The following SLC7A9 variants were observed in gnomAD, a reference collection of about 807,000 sequenced individuals.
SLC7A9 encodes the protein solute carrier family 7 member 9, also known as B(0,+)-type amino acid transporter 1.
A neutral mutation model predicts 54.1 loss-of-function variants in SLC7A9; 38 were observed. The ratio of observed to expected loss-of-function variants is 0.70; its 90% CI spans 0.54 to 0.92. The LOEUF (loss-of-function observed/expected upper bound fraction) is 0.92. SLC7A9 is among the 40% of genes least tolerant of loss of function. The probability of loss-of-function intolerance (pLI) is 0.00; values close to 1 mark genes in which losing one functional copy is unlikely to be tolerated. For missense variants in SLC7A9, 537 were observed against 636.1 expected (o/e 0.84, Z 1.68); for synonymous variants, 264 against 258.9 (o/e 1.02, Z -0.19).
At chr19:32,862,359 C>T (rs1968824803) in intron 5 of SLC7A9, 102 bp downstream of exon 5, 1 of 1,552,188 alleles carries the variant, frequency 6.4e-7, no homozygotes, top group Non-Finnish European at 8.9e-7. Context: ...GAGTTCCTGC[C>T]ATGCTTCCTT....
chr19:32,860,579 T>C (rs759350035), intron 7 of SLC7A9, 27 bp downstream of exon 7: 9 of 1,614,114 alleles, frequency 5.6e-6, no homozygotes, highest in Non-Finnish European at 7.6e-6. Context: ...GCCCGGCTAC[T>C]GTCCTCTGCA....
chr19:32,855,686 A>C (rs1291957785), intron 9 of SLC7A9, among the ~76,000 whole-genome samples: 1 of 151,614 alleles, frequency 6.6e-6, no homozygotes, highest in Admixed American at 6.6e-5. Context: ...TGGGTGACAG[A>C]GCAAGACTCC....
chr19:32,862,421 T>C (rs768071671), intron 5 of SLC7A9, 40 bp downstream of exon 5: 1 of 1,611,560 alleles, frequency 6.2e-7, no homozygotes, highest in Non-Finnish European at 8.5e-7. Context: ...GAAGGGCGTT[T>C]GGTGTGTGCC....
chr19:32,864,458 C>T (rs951893276), intron 3 of SLC7A9, 120 bp from the exon 4 acceptor site: 33 of 1,520,142 alleles, frequency 2.2e-5, no homozygotes, highest in Non-Finnish European at 2.9e-5. Context: ...TCCGCCCTCG[C>T]TGGACGGCCC....
chr19:32,856,273 T>C (rs1342439022), intron 9 of SLC7A9, among the ~76,000 whole-genome samples: 1 of 150,390 alleles, frequency 6.6e-6, no homozygotes, highest in Non-Finnish European at 1.5e-5. Flanking sequence ...TGGCTCACTG[T>C]AAGCTCTGCC....
Position 32,859,850 on chromosome 19 carries a change from C to T in SLC7A9, c.864G>A (p.Ala288=), listed in dbSNP as rs781259784. Reference sequence around the variant, plus strand: ...ATGCCCGGGCACTCACCACAGCCACCGCCTGGGACTGCAGGAGTTCGGTGG... The same window carrying T: ...ATGCCCGGGCACTCACCACAGCCACTGCCTGGGACTGCAGGAGTTCGGTGG... ...MTATELLQSQ[A]VAVTFGDRVL... The change falls in exon 8 of 13, where the codon GCG becomes GCA. Residue 288 remains alanine, a synonymous_variant. Coordinates refer to ENST00000023064, the MANE Select transcript of SLC7A9 (RefSeq NM_014270.5). The T allele has an allele frequency of 1.5e-5, 24 of 1,613,846 alleles. No individual in the cohort carries two copies. The highest frequency in any genetic ancestry group is 1.6e-4 in the Middle Eastern group (1 of 6,080).
intron 8 of SLC7A9, among the ~76,000 whole-genome samples, chr19:32,859,564 C>T (rs1320711271): frequency 4.6e-5 from 7 of 151,886 alleles, no homozygotes; most frequent in Non-Finnish European, 7.4e-5. Context: ...CCAGTTTTGC[C>T]AAAAATATAT....
intron 9 of SLC7A9, among the ~76,000 whole-genome samples, 199 bp from the exon 10 acceptor site, chr19:32,844,150 G>A (rs1281653831): frequency 1.3e-5 from 2 of 152,102 alleles, no homozygotes. Context: ...GAGGTTAAAC[G>A]CACTGAGAGA....
chr19:32,852,877 C>T (rs1276166415), intron 9 of SLC7A9, among the ~76,000 whole-genome samples: 2 of 151,098 alleles, frequency 1.3e-5, no homozygotes, highest in Non-Finnish European at 2.9e-5. Flanking sequence ...GTTAGTCCTG[C>T]CAGATTTTAC....
intron 11 of SLC7A9, among the ~76,000 whole-genome samples, chr19:32,837,037 G>A (rs778850447): frequency 2.0e-5 from 3 of 150,854 alleles, no homozygotes; most frequent in Admixed American, 6.6e-5. Flanking sequence ...GAGTAAGCCC[G>A]TTTATTCATA....
At chr19:32,851,609 G>A (rs981375643) in intron 9 of SLC7A9, among the ~76,000 whole-genome samples, 1 of 151,964 alleles carries the variant, frequency 6.6e-6, no homozygotes, top group Non-Finnish European at 1.5e-5. Context: ...GGAAGTCAGT[G>A]TGGCGATTCC....
intron 11 of SLC7A9, among the ~76,000 whole-genome samples, chr19:32,840,236 G>C (rs55771650): frequency 8.6e-5 from 13 of 151,962 alleles, no homozygotes; most frequent in Non-Finnish European, 1.8e-4. Context: ...GCAGTGGCAC[G>C]ATCTTGGCTC....
chr19:32,838,974 A>C (rs1968052334), intron 11 of SLC7A9, among the ~76,000 whole-genome samples: 1 of 152,084 alleles, frequency 6.6e-6, no homozygotes, highest in South Asian at 2.1e-4. Flanking sequence ...CATTGTGTAT[A>C]ATAAGCAATA....
intron 9 of SLC7A9, among the ~76,000 whole-genome samples, chr19:32,848,630 C>T (rs1968372535): frequency 1.3e-5 from 2 of 152,186 alleles, no homozygotes; most frequent in Admixed American, 1.3e-4. Flanking sequence ...ATCAACAAGA[C>T]AGAAAGTTAA....
chr19:32,855,081 A>G (rs1418875201), intron 9 of SLC7A9, among the ~76,000 whole-genome samples: 2 of 152,238 alleles, frequency 1.3e-5, no homozygotes, highest in East Asian at 3.8e-4. Context: ...AATAAAAATA[A>G]TGTAATAGAT....
At chr19:32,845,946 G>C (rs1968277656) in intron 9 of SLC7A9, among the ~76,000 whole-genome samples, 1 of 152,182 alleles carries the variant, frequency 6.6e-6, no homozygotes, top group Non-Finnish European at 1.5e-5. Context: ...AGAAGTTGCA[G>C]TGAGCCGAGA....
At chr19:32,847,661 A>G (rs530564740) in intron 9 of SLC7A9, among the ~76,000 whole-genome samples, 102 of 152,312 alleles carry the variant, frequency 6.7e-4, no homozygotes, top group Admixed American at 9.2e-4. Flanking sequence ...GCAGGCCAAT[A>G]TTCAGATTCA....
chr19:32,855,952 C>T (rs1968615198), intron 9 of SLC7A9, among the ~76,000 whole-genome samples: 1 of 152,144 alleles, frequency 6.6e-6, no homozygotes, highest in Non-Finnish European at 1.5e-5. Flanking sequence ...TATCCCTGTA[C>T]CACCAGCCCA....
At chr19:32,858,102 C>T (rs759206676) in intron 9 of SLC7A9, among the ~76,000 whole-genome samples, 34 of 152,166 alleles carry the variant, frequency 2.2e-4, no homozygotes, top group Non-Finnish European at 4.3e-4. Flanking sequence ...AAAAGTGCCA[C>T]GTGGAAAACC....
Sources: gnomAD v4.1 joint callset for allele counts (sites outside exome capture counted in the v4.1 genomes callset) on GRCh38, gnomAD v4.1.1 for gene constraint, MANE v1.5 for transcripts, NCBI Gene and HGNC (gene_info 2026-07-23, HGNC 2026-07-21) for gene names.